The following UBE2L6 variants were observed in gnomAD, a reference collection of about 807,000 sequenced individuals.
UBE2L6 encodes the protein ubiquitin conjugating enzyme E2 L6.
Under a neutral mutation model 13.6 loss-of-function variants are expected in UBE2L6, and 11 were observed. The ratio of observed to expected loss-of-function variants is 0.81; its 90% CI spans 0.51 to 1.34. The LOEUF is 1.34. UBE2L6 is among the 40% of genes most tolerant of loss of function. The pLI is 0.00. For synonymous variants in UBE2L6, 74 were observed against 83.2 expected (o/e 0.89, Z 0.60); for missense variants, 197 against 199.5 (o/e 0.99, Z 0.07).
chr11:57,563,177 G>C (rs2848625), intron 1 of UBE2L6, among the ~76,000 whole-genome samples: 123,643 of 151,828 alleles, frequency 0.81, 50,645 homozygotes, highest in African/African-American at 0.88. Flanking sequence ...AAGAATCAAG[G>C]AGAAATTCCG....
At chr11:57,563,907 TA>T (rs1450062837) in intron 1 of UBE2L6, among the ~76,000 whole-genome samples, 1 of 149,784 alleles carries the variant, frequency 6.7e-6, no homozygotes, top group Non-Finnish European at 1.5e-5. Flanking sequence ...GTCTCAAAAA[TA>T]AAAAAAAAGA....
chr11:57,552,832 G>T (rs1203085902), intron 3 of UBE2L6, among the ~76,000 whole-genome samples: 1 of 152,110 alleles, frequency 6.6e-6, no homozygotes, highest in African/African-American at 2.4e-5. Flanking sequence ...CCATTATATT[G>T]GTAGTCCAAA....
Position 57,560,237 on chromosome 11 carries a change from C to A in UBE2L6, c.123+100G>T, listed in dbSNP as rs1945027918. Reference sequence around the variant, plus strand: ...CAATGATAACCTCCAGTAAAAGGATCTCAAGCAGGGAAAATTCTTGCCTAG... The same window carrying A: ...CAATGATAACCTCCAGTAAAAGGATATCAAGCAGGGAAAATTCTTGCCTAG... On this transcript the variant is annotated intron_variant, in intron 2 of 3. Coordinates refer to ENST00000287156, the MANE Select transcript of UBE2L6 (RefSeq NM_004223.5). 12 of 900,082 alleles carry A rather than the reference C, an allele frequency of 1.3e-5. No individual in the cohort carries two copies. The East Asian group carries it at 2.9e-4, about 22-fold the overall frequency. 55.8% of individuals were successfully genotyped at this position (900,082 alleles called of 1,614,324 possible).
chr11:57,559,413 C>A (rs752450307), intron 2 of UBE2L6, among the ~76,000 whole-genome samples: 3 of 152,144 alleles, frequency 2.0e-5, no homozygotes, highest in Non-Finnish European at 4.4e-5. Flanking sequence ...GAGTTTGAGA[C>A]CAGCCTGGCC....
Position 57,559,885 on chromosome 11 carries a change from G to A in UBE2L6, c.123+452C>T, listed in dbSNP as rs181101838. Among the ~76,000 whole-genome samples, 219 of 152,270 alleles carry A rather than the reference G, an allele frequency of 1.4e-3. 1 individual carries two copies. The highest frequency in any genetic ancestry group is 5.1e-3 in the African/African-American group (213 of 41,574). ...AGAGAAAAATAAGAACAGTAGAAAT[G>A]AGCTATTTGTGTTTTCATATGTAAC... On this transcript the variant is annotated intron_variant, in intron 2 of 3. Coordinates refer to ENST00000287156, the MANE Select transcript of UBE2L6 (RefSeq NM_004223.5).
chr11:57,560,883 G>T (rs1470181227), intron 1 of UBE2L6, among the ~76,000 whole-genome samples: 1 of 152,104 alleles, frequency 6.6e-6, no homozygotes, highest in Non-Finnish European at 1.5e-5. Flanking sequence ...GCCTCCCAAA[G>T]TGCTGGGATT....
chr11:57,564,706 G>C (rs948886868), intron 1 of UBE2L6, among the ~76,000 whole-genome samples: 1 of 152,114 alleles, frequency 6.6e-6, no homozygotes, highest in Non-Finnish European at 1.5e-5. Context: ...GGGAGGCTGA[G>C]GTAAGAGAAT....
At position 57,552,498 on chromosome 11, in the gene UBE2L6, G is replaced by C. The variant is rs1944967257; in HGVS notation, c.322C>G (p.Leu108Val). Residue 108 changes from leucine (L) to valine (V), a missense_variant, in exon 4 of 4, where the codon CTC (leucine) becomes GTC (valine). By Grantham distance (32) the Leu-to-Val change is conservative. Coordinates refer to ENST00000287156, the MANE Select transcript of UBE2L6 (RefSeq NM_004223.5). The part of the protein sequence containing the change: ...CTKTCQVLEA[L>V]NVLVNRPNIR... ...TTCGGTCTATTCACCAGCACATTGAGGGCCTCCAGGACTGGGGAGAGACAG... is the reference window on the plus strand; with the variant it reads ...TTCGGTCTATTCACCAGCACATTGACGGCCTCCAGGACTGGGGAGAGACAG... The C allele has an allele frequency of 6.2e-7, 1 of 1,614,172 alleles. No individual in the cohort carries two copies. The highest frequency in any genetic ancestry group is 1.3e-5 in the African/African-American group (1 of 75,042).
chr11:57,559,964 G>C (rs1261251697), intron 2 of UBE2L6, among the ~76,000 whole-genome samples: 2 of 152,176 alleles, frequency 1.3e-5, no homozygotes, highest in Non-Finnish European at 2.9e-5. Flanking sequence ...GTTTGCGGGA[G>C]CAAATTCTCC....
At chr11:57,557,274 GCT>G (rs1048208675) in intron 2 of UBE2L6, among the ~76,000 whole-genome samples, 5 of 151,550 alleles carry the variant, frequency 3.3e-5, no homozygotes, top group East Asian at 3.9e-4. Context: ...GCACCTGCTC[GCT>G]CTCTCTCTCT....
chr11:57,557,166 CGAATGGCTCCGTG>C (rs1040681995), intron 2 of UBE2L6, among the ~76,000 whole-genome samples: 3 of 152,064 alleles, frequency 2.0e-5, no homozygotes, highest in East Asian at 3.9e-4. Context: ...AGACCTCCCA[CGAATGGCTCCGTG>C]GAATGGCTCC....
At chr11:57,563,280 A>G (rs1945060829) in intron 1 of UBE2L6, among the ~76,000 whole-genome samples, 1 of 151,752 alleles carries the variant, frequency 6.6e-6, no homozygotes, top group South Asian at 2.1e-4. Context: ...ACCTGAGGTT[A>G]GGAGTGCAAG....
chr11:57,552,110 G>C lies in UBE2L6; in HGVS notation c.*248C>G. The C allele has an allele frequency of 2.0e-6, 1 of 496,308 alleles. No individual in the cohort carries two copies. The highest frequency in any genetic ancestry group is 3.6e-6 in the Non-Finnish European group (1 of 279,818). 30.7% of individuals were successfully genotyped at this position (496,308 alleles called of 1,614,324 possible). A position where few individuals can be genotyped will look rare whatever the true frequency, so the allele number is the denominator to read the frequency against. On this transcript the variant is annotated 3_prime_UTR_variant, in exon 4 of 4. Transcript: ENST00000287156. The stretch of plus-strand genomic sequence containing the variant: ...GTAACTGCAAACTTAAACTCCCTTG[G>C]CTCTGGGGAATGTAAAGGGTGTGGG...
intron 2 of UBE2L6, among the ~76,000 whole-genome samples, chr11:57,554,968 A>C (rs1009653822): frequency 6.6e-6 from 1 of 152,212 alleles, no homozygotes; most frequent in African/African-American, 2.4e-5. Flanking sequence ...TTCTGAGATT[A>C]TGGAAGAAAA....
rs1944981819 is a variant in UBE2L6, at chr11:57,554,431, C to G, written c.310+6G>C. The G allele has an allele frequency of 2.5e-6, 4 of 1,613,106 alleles. No individual in the cohort carries two copies. In the South Asian group the frequency reaches 3.3e-5, roughly 13 times the overall value. On this transcript the variant is annotated splice_donor_region_variant and intron_variant, in intron 3 of 3. Coordinates refer to ENST00000287156, the MANE Select transcript of UBE2L6 (RefSeq NM_004223.5). ...AGTCCCTCCTCCAAGCAAAGCCCAA[C>G]CCCACCTTGGCAAGTCTTGGTGCAA...
chr11:57,556,130 G>T (rs1054722590), intron 2 of UBE2L6, among the ~76,000 whole-genome samples: 1 of 152,160 alleles, frequency 6.6e-6, no homozygotes, highest in Non-Finnish European at 1.5e-5. Context: ...GAGTATGGGG[G>T]TCACACAGAC....
chr11:57,567,389 C>T (rs1945101094), intron 1 of UBE2L6, 196 bp downstream of exon 1: 2 of 796,540 alleles, frequency 2.5e-6, no homozygotes, highest in African/African-American at 1.7e-5. Flanking sequence ...CTCCAAACCC[C>T]CAAAACCCCA....
At chr11:57,557,817 C>T (rs1051910725) in intron 2 of UBE2L6, among the ~76,000 whole-genome samples, 1 of 152,182 alleles carries the variant, frequency 6.6e-6, no homozygotes, top group Non-Finnish European at 1.5e-5. Context: ...ATCAGTGTGT[C>T]CTGCCTGAAG....
chr11:57,555,014 G>A (rs1944986785), intron 2 of UBE2L6, among the ~76,000 whole-genome samples: 1 of 152,180 alleles, frequency 6.6e-6, no homozygotes, highest in South Asian at 2.1e-4. Context: ...TTAGAATGGG[G>A]GTGAGGAAAT....
Sources: gnomAD v4.1 joint callset for allele counts (sites outside exome capture counted in the v4.1 genomes callset) on GRCh38, gnomAD v4.1.1 for gene constraint, MANE v1.5 for transcripts, NCBI Gene and HGNC (gene_info 2026-07-23, HGNC 2026-07-21) for gene names.